NOVA1: variants seen among roughly 807,000 people sequenced by gnomAD.
NOVA1 encodes the protein RNA-binding protein Nova-1.
Under a neutral mutation model 38.0 loss-of-function variants are expected in NOVA1, and 7 were observed. The ratio of observed to expected loss-of-function variants is 0.18; its 90% CI spans 0.10 to 0.35. The LOEUF is 0.35. Ranked by LOEUF, NOVA1 falls within the 10% of genes least tolerant of loss-of-function variation. NOVA1 has a pLI of 1.00. For synonymous variants in NOVA1, 270 were observed against 232.5 expected (o/e 1.16, Z -1.47); for missense variants, 460 against 616.0 (o/e 0.75, Z 2.68).
At chr14:26,564,507 G>A (rs564242001) in intron 2 of NOVA1, among the ~76,000 whole-genome samples, 1 of 152,116 alleles carries the variant, frequency 6.6e-6, no homozygotes, top group Non-Finnish European at 1.5e-5. Context: ...GATACTAAGT[G>A]GCAGAAGGCT....
Position 26,554,386 on chromosome 14 carries a change from T to G in NOVA1, c.280+41024A>C, listed in dbSNP as rs1156728675. ...CAAAACAAAACAGATCATTCTCCAC[T>G]CACTGGATTGAGCAAAGAGAATGAC... is the stretch of plus-strand genomic sequence containing the variant. On this transcript the variant is annotated intron_variant, in intron 2 of 4. Coordinates refer to ENST00000539517, the MANE Select transcript of NOVA1 (RefSeq NM_002515.3). Among the ~76,000 whole-genome samples, 6 of 152,114 alleles carry G rather than the reference T, an allele frequency of 3.9e-5. No homozygotes were observed. The South Asian group carries it at 1.0e-3, about 26-fold the overall frequency.
chr14:26,486,744 C>T (rs1373898997), intron 2 of NOVA1, among the ~76,000 whole-genome samples: 1 of 93,582 alleles, frequency 1.1e-5, no homozygotes, highest in East Asian at 3.2e-4. Flanking sequence ...AAAAAAAAAC[C>T]AAGTAGTTTT....
intron 2 of NOVA1, among the ~76,000 whole-genome samples, chr14:26,544,926 C>G (rs181425319): frequency 1.2e-3 from 175 of 152,048 alleles, no homozygotes; most frequent in Non-Finnish European, 2.2e-3. Context: ...AAATGGTGGG[C>G]AAAGAAGACC....
chr14:26,496,505 C>A (rs1336860474), intron 2 of NOVA1, among the ~76,000 whole-genome samples: 1 of 151,904 alleles, frequency 6.6e-6, no homozygotes, highest in African/African-American at 2.4e-5. Flanking sequence ...TAATTAGATC[C>A]CATTTGTCAA....
Position 26,448,250 on chromosome 14 carries a change from T to C in NOVA1, c.1233A>G (p.Leu411=). ...ATCCATCTGTGGACTTTTCTGTTCC[T>C]AGAATGGCACTGGCAGCTAGGGGAG... ...AASPLAASAI[L]GTEKSTDGSK... The change falls in exon 5 of 5, where the codon CTA becomes CTG. Residue 411 remains leucine, a synonymous_variant. Transcript: ENST00000539517. This position sits in a 1 kb window ranked among gnomAD's most constrained non-coding sequence, Gnocchi z 5.3. 1 of 1,614,224 alleles carries C rather than the reference T, an allele frequency of 6.2e-7. No homozygotes were observed. Among genetic ancestry groups the C allele is most frequent in the Non-Finnish European group, 8.5e-7 (1 of 1,180,032 alleles).
At chr14:26,487,564 A>AG (rs1886016527) in intron 2 of NOVA1, among the ~76,000 whole-genome samples, 1 of 152,178 alleles carries the variant, frequency 6.6e-6, no homozygotes, top group African/African-American at 2.4e-5. Context: ...GTGCAAAGAC[A>AG]TATAGCAAAC....
chr14:26,495,502 GTTGT>G (rs1379669768), intron 2 of NOVA1, among the ~76,000 whole-genome samples: 9 of 151,862 alleles, frequency 5.9e-5, no homozygotes, highest in African/African-American at 1.7e-4. Context: ...TTTTTTTGTT[GTTGT>G]TTATTATACT....
At chr14:26,577,836 A>G (rs1892958618) in intron 2 of NOVA1, among the ~76,000 whole-genome samples, 1 of 152,174 alleles carries the variant, frequency 6.6e-6, no homozygotes, top group Non-Finnish European at 1.5e-5. Context: ...AGTGATATAA[A>G]GCAGGCAGCT....
intron 2 of NOVA1, among the ~76,000 whole-genome samples, chr14:26,564,726 C>A (rs1217758932): frequency 6.6e-6 from 1 of 152,074 alleles, no homozygotes; most frequent in Admixed American, 6.6e-5. Context: ...CACTTCAAAA[C>A]CTTTGAAATT....
intron 2 of NOVA1, among the ~76,000 whole-genome samples, chr14:26,518,454 G>A (rs1046401151): frequency 4.0e-5 from 6 of 151,888 alleles, no homozygotes; most frequent in South Asian, 2.1e-4. Context: ...TTAATGCTAC[G>A]ACAAATCATT....
intron 2 of NOVA1, among the ~76,000 whole-genome samples, chr14:26,575,319 A>G (rs1892773289): frequency 6.6e-6 from 1 of 152,158 alleles, no homozygotes; most frequent in Admixed American, 6.5e-5. Context: ...TCTACACAAA[A>G]TCTGTCTCTA....
chr14:26,503,393 G>A (rs1293143562), intron 2 of NOVA1, among the ~76,000 whole-genome samples: 1 of 151,952 alleles, frequency 6.6e-6, no homozygotes, highest in African/African-American at 2.4e-5. Context: ...AAAGACTAAT[G>A]TAATCATCCA....
At chr14:26,461,907 T>C (rs1029960351) in intron 4 of NOVA1, among the ~76,000 whole-genome samples, 5 of 151,166 alleles carry the variant, frequency 3.3e-5, no homozygotes, top group African/African-American at 9.7e-5. Flanking sequence ...ATCATTGCAC[T>C]CCAGCCTGGG....
chr14:26,475,404 T>C (rs1257585313), intron 3 of NOVA1, among the ~76,000 whole-genome samples: 2 of 152,212 alleles, frequency 1.3e-5, no homozygotes, highest in African/African-American at 2.4e-5. Context: ...AGTGGTTTCA[T>C]GTTAAATATC....
intron 2 of NOVA1, among the ~76,000 whole-genome samples, chr14:26,583,560 G>A (rs1422121508): frequency 2.0e-5 from 3 of 151,392 alleles, no homozygotes; most frequent in Non-Finnish European, 4.4e-5. Flanking sequence ...CTCTACACAA[G>A]TAGCCAATAA....
intron 2 of NOVA1, among the ~76,000 whole-genome samples, chr14:26,541,388 C>T (rs1015971991): frequency 3.3e-5 from 5 of 151,230 alleles, no homozygotes; most frequent in Non-Finnish European, 5.9e-5. Context: ...TTTAACTGGA[C>T]CCACTAAAAG....
In NOVA1 at chr14:26,480,106, A is replaced by C. The variant is rs1357550573; in HGVS notation, c.318T>G (p.Val106=). ...TERVCLIQGT[V]EALNAVHGFI... Reference sequence around the variant, plus strand: ...ATCCATGAACTGCATTCAGTGCTTCAACCGTTCCCTGGATCAAGCACACTC... The same window carrying C: ...ATCCATGAACTGCATTCAGTGCTTCCACCGTTCCCTGGATCAAGCACACTC... The change falls in exon 3 of 5, where the codon GTT becomes GTG. Residue 106 remains valine (V), a synonymous_variant. Transcript: ENST00000539517. 1 of 1,613,920 alleles carries C rather than the reference A, an allele frequency of 6.2e-7. No homozygotes were observed. The highest frequency in any genetic ancestry group is 2.2e-5 in the East Asian group (1 of 44,880).
chr14:26,495,776 T>C (rs1252989703), intron 2 of NOVA1, among the ~76,000 whole-genome samples: 1 of 147,696 alleles, frequency 6.8e-6, no homozygotes, highest in Non-Finnish European at 1.5e-5. Context: ...GATAGTTTAC[T>C]GAGAATGATG....
chr14:26,567,829 T>C (rs1016933673), intron 2 of NOVA1, among the ~76,000 whole-genome samples: 1 of 152,218 alleles, frequency 6.6e-6, no homozygotes, highest in Admixed American at 6.5e-5. Context: ...AAACTAGTTA[T>C]GCTTTTAAAA....
Sources: allele counts gnomAD v4.1 joint callset (sites outside exome capture counted in the v4.1 genomes callset), GRCh38; gene constraint gnomAD v4.1.1; non-coding constraint Gnocchi (gnomAD v3.1); transcripts MANE v1.5; gene names NCBI Gene and HGNC (gene_info 2026-07-23, HGNC 2026-07-21).